CHD9: variants seen among roughly 807,000 people sequenced by gnomAD.
CHD9 encodes ATP-dependent chromatin remodeler CHD9.
CHD9 carries 77 observed loss-of-function variants against 316.1 expected under a neutral mutation model. That is an observed-to-expected ratio of 0.24 (90% CI 0.20 to 0.29). The LOEUF (loss-of-function observed/expected upper bound fraction) is 0.29, where lower values mean the gene tolerates loss of function less well. Ranked by LOEUF, CHD9 falls within the 10% of genes least tolerant of loss-of-function variation. CHD9 has a pLI of 1.00. For missense variants in CHD9, 2,763 were observed against 3,438.1 expected, an observed-to-expected ratio of 0.80 and a Z score of 4.91; for synonymous variants, 1,129 against 1,158.3, an observed-to-expected ratio of 0.97 and a Z score of 0.51.
chr16:53,254,969 T>C (rs1487593816), intron 18 of CHD9, among the ~76,000 whole-genome samples: 1 of 152,182 alleles, frequency 6.6e-6, no homozygotes, highest in Non-Finnish European at 1.5e-5. Context: ...GATGACATTT[T>C]GGCTTTTTTT....
chr16:53,204,704 C>T (rs1295392309), intron 2 of CHD9, among the ~76,000 whole-genome samples: 2 of 152,046 alleles, frequency 1.3e-5, no homozygotes, highest in East Asian at 1.9e-4. Flanking sequence ...ATAGAGTCTT[C>T]CATATATTCC....
At chr16:53,178,427 CTTTTTTTT>C (rs10569589) in intron 2 of CHD9, among the ~76,000 whole-genome samples, 2 of 98,960 alleles carry the variant, frequency 2.0e-5, no homozygotes, top group African/African-American at 3.6e-5. Flanking sequence ...TTGTTGGTTT[CTTTTTTTT>C]TTTTTTTTTT....
intron 1 of CHD9, among the ~76,000 whole-genome samples, chr16:53,140,662 A>G (rs1294930170): frequency 1.3e-5 from 2 of 152,192 alleles, no homozygotes; most frequent in African/African-American, 4.8e-5. Context: ...ATCGTAGCTC[A>G]CTGCATCCTC....
Position 53,229,017 on chromosome 16 carries a change from C to G in CHD9, c.2203C>G (p.Gln735Glu), listed in dbSNP as rs748047235. The G allele has an allele frequency of 1.3e-5, 20 of 1,591,812 alleles. No homozygotes were observed. Among genetic ancestry groups the G allele is most frequent in the Non-Finnish European group, 1.7e-5 (20 of 1,168,244 alleles). ...TCACTGTGAGTGGGCCACAGAAGAG[C>G]AGCTTTTGAAAGATAAAAGGATCCA... ...YLHCEWATEEQLLKDKRIQQK... is the reference protein window; with the variant it reads ...YLHCEWATEEELLKDKRIQQK... Residue 735 changes from glutamine to glutamate, a missense_variant, in exon 8 of 39, where the codon CAG (glutamine) becomes GAG (glutamate). Gln to Glu is a conservative substitution (Grantham distance 29). Transcript: ENST00000447540.
chr16:53,176,198 C>A (rs62048028), intron 2 of CHD9, among the ~76,000 whole-genome samples: 36,500 of 152,200 alleles, frequency 0.24, 4,714 homozygotes, highest in Middle Eastern at 0.32. Flanking sequence ...GATCAATTTT[C>A]TTGGCCAGTT....
intron 25 of CHD9, 31 bp downstream of exon 25, chr16:53,285,730 C>T: frequency 8.0e-7 from 1 of 1,257,010 alleles, no homozygotes; most frequent in South Asian, 1.3e-5. Context: ...GTGAGATCCC[C>T]TTCTATGTAT....
chr16:53,064,100 C>T (rs1272708311), intron 1 of CHD9, among the ~76,000 whole-genome samples: 1 of 152,040 alleles, frequency 6.6e-6, no homozygotes, highest in Non-Finnish European at 1.5e-5. Flanking sequence ...TCCCAAAGTT[C>T]TGGAATTACA....
intron 2 of CHD9, among the ~76,000 whole-genome samples, chr16:53,204,845 G>T (rs1409569606): frequency 6.6e-6 from 1 of 151,888 alleles, no homozygotes; most frequent in African/African-American, 2.4e-5. Context: ...TTATATGTTT[G>T]TTTGTTTATT....
At chr16:53,089,588 A>G (rs2035763307) in intron 1 of CHD9, among the ~76,000 whole-genome samples, 1 of 152,198 alleles carries the variant, frequency 6.6e-6, no homozygotes, top group African/African-American at 2.4e-5. Context: ...CATGGTCAAC[A>G]TGGCAAGGTA....
intron 2 of CHD9, chr16:53,208,514 G>C (rs1233859978): frequency 9.1e-7 from 1 of 1,095,636 alleles, no homozygotes; most frequent in African/African-American, 1.7e-5. Context: ...GTTATAGCCT[G>C]TAGGCCTTAA....
chr16:53,104,004 C>T (rs1426636058), intron 1 of CHD9, among the ~76,000 whole-genome samples: 2 of 152,196 alleles, frequency 1.3e-5, no homozygotes, highest in East Asian at 1.9e-4. Flanking sequence ...CTGTTATAAA[C>T]GACTTCATTG....
At chr16:53,078,277 G>T (rs138246247) in intron 1 of CHD9, among the ~76,000 whole-genome samples, 64 of 152,252 alleles carry the variant, frequency 4.2e-4, no homozygotes, top group African/African-American at 1.5e-3. Flanking sequence ...CCTTTAAGAG[G>T]TGATTAGGTC....
intron 1 of CHD9, among the ~76,000 whole-genome samples, chr16:53,078,378 G>C (rs767446575): frequency 1.6e-4 from 25 of 152,272 alleles, no homozygotes; most frequent in Admixed American, 1.4e-3. Flanking sequence ...GTTCGGCCCT[G>C]TTTCCCTTTC....
At chr16:53,225,547 A>C (rs1253613020) in intron 4 of CHD9, among the ~76,000 whole-genome samples, 1 of 152,172 alleles carries the variant, frequency 6.6e-6, no homozygotes, top group Non-Finnish European at 1.5e-5. Flanking sequence ...TAGGGAGGTA[A>C]GTAAAGCCAT....
chr16:53,209,544 G>A lies in CHD9; in HGVS notation c.1515G>A (p.Val505=). ...GTYTKLQNTQ[V]RVMSEKKQRK... ...ATACTAAGTTGCAGAATACCCAGGT[G>A]AGGGTCATGTCTGAGAAGAAGCAGA... The change falls in exon 3 of 39, where the codon GTG becomes GTA. Residue 505 remains valine, a synonymous_variant. Transcript: ENST00000447540. The A allele has an allele frequency of 6.2e-7, 1 of 1,613,816 alleles. No homozygotes were observed.
chr16:53,227,626 TAAAAG>T (rs2047766117), intron 7 of CHD9, 23 bp downstream of exon 7: 5 of 771,176 alleles, frequency 6.5e-6, no homozygotes, highest in Non-Finnish European at 7.6e-6. Context: ...GTTAGAAAAA[TAAAAG>T]AAAGATGTTG....
intron 34 of CHD9, 82 bp from the exon 35 acceptor site, chr16:53,314,295 T>A (rs8055218): frequency 0.31 from 300,524 of 967,030 alleles, 48,136 homozygotes; most frequent in Middle Eastern, 0.38. Flanking sequence ...ACTAACACTT[T>A]CATATATTTA....
intron 1 of CHD9, among the ~76,000 whole-genome samples, chr16:53,113,116 C>A (rs1049140254): frequency 2.0e-4 from 31 of 152,052 alleles, no homozygotes; most frequent in Non-Finnish European, 3.5e-4. Context: ...CCTGGGAGGC[C>A]GAGTTTGCAG....
intron 1 of CHD9, among the ~76,000 whole-genome samples, chr16:53,139,362 C>G (rs887723454): frequency 6.6e-5 from 10 of 152,012 alleles, no homozygotes; most frequent in African/African-American, 2.4e-4. Flanking sequence ...TAATATTAAC[C>G]TTGTATTAAT....
Sources: allele counts gnomAD v4.1 joint callset (sites outside exome capture counted in the v4.1 genomes callset), GRCh38; gene constraint gnomAD v4.1.1; transcripts MANE v1.5; gene names NCBI Gene and HGNC (gene_info 2026-07-23, HGNC 2026-07-21).